Variants in USP54 observed in about 807,000 individuals in gnomAD.
USP54 encodes ubiquitin carboxyl-terminal hydrolase 54.
Under a neutral mutation model 170.5 loss-of-function variants are expected in USP54, and 87 were observed. The observed-to-expected ratio is 0.51, with a 90% CI of 0.43 to 0.61. The LOEUF (loss-of-function observed/expected upper bound fraction) is 0.61. Ranked by LOEUF, USP54 falls within the 20% of genes least tolerant of loss-of-function variation. The pLI is 0.00. For missense variants in USP54, 1,786 were observed against 2,047.8 expected (o/e 0.87, Z 2.47); for synonymous variants, 655 against 742.8 (o/e 0.88, Z 1.92).
chr10:73,577,166 C>A (rs549343180), intron 1 of USP54, among the ~76,000 whole-genome samples: 69 of 152,354 alleles, frequency 4.5e-4, no homozygotes, highest in African/African-American at 1.7e-3. Context: ...TGTCCATCTA[C>A]ATAAGGAAAA....
intron 20 of USP54, among the ~76,000 whole-genome samples, 153 bp downstream of exon 20, chr10:73,516,222 G>A (rs927781945): frequency 2.6e-5 from 4 of 152,124 alleles, no homozygotes; most frequent in African/African-American, 9.7e-5. Context: ...TCTAGGTCTT[G>A]TCCTGAAGGC....
rs780020507 is a variant in USP54 at position 73,516,846 on chromosome 10, C to T, written c.3580G>A (p.Asp1194Asn). The T allele has an allele frequency of 1.3e-5, 21 of 1,614,128 alleles. 1 individual carries two copies. The highest frequency in any genetic ancestry group is 1.7e-5 in the Non-Finnish European group (20 of 1,180,058). The change falls in exon 20 of 24, where the codon GAT becomes AAT. Residue 1194 changes from aspartate (D) to asparagine (N), a missense_variant. This residue lies in a region of USP54 where 1,418 missense variants were observed against 1,569.0 expected (regional missense o/e 0.90). Coordinates refer to ENST00000687698, the MANE Select transcript of USP54 (RefSeq NM_001391956.1). ...AKQQSSLEGG[D>N]RPLSWEESTE... ...GACTCTTCCCAGGAAAGTGGTCTATCCCCACCCTCCAGAGAGGATTGTTGC... is the reference window on the plus strand; with the variant it reads ...GACTCTTCCCAGGAAAGTGGTCTATTCCCACCCTCCAGAGAGGATTGTTGC...
At chr10:73,517,882 A>G in intron 19 of USP54, 135 bp from the exon 20 acceptor site, 1 of 1,139,152 alleles carries the variant, frequency 8.8e-7, no homozygotes, top group South Asian at 1.6e-5. Flanking sequence ...GACAAGCACA[A>G]GTAGAGTCAG....
At chr10:73,511,732 C>T (rs914001860) in intron 20 of USP54, among the ~76,000 whole-genome samples, 7 of 150,810 alleles carry the variant, frequency 4.6e-5, no homozygotes, top group African/African-American at 1.5e-4. Context: ...ATAAAGAACT[C>T]TCAAATTATA....
intron 1 of USP54, chr10:73,624,385 A>G (rs1409893930): frequency 4.6e-5 from 4 of 86,500 alleles, no homozygotes; most frequent in African/African-American, 1.9e-4. Flanking sequence ...TTTTTAGTAG[A>G]GACGGGGGGG....
At chr10:73,545,747 C>T in intron 4 of USP54, 75 bp from the exon 5 acceptor site, 1 of 1,533,270 alleles carries the variant, frequency 6.5e-7, no homozygotes, top group Non-Finnish European at 8.9e-7. Context: ...GTCTGTCATG[C>T]TAGCATCTCC....
chr10:73,541,846 C>A, intron 7 of USP54, 108 bp from the exon 8 acceptor site: 2 of 1,092,638 alleles, frequency 1.8e-6, no homozygotes, highest in East Asian at 2.6e-5. Context: ...TCCTCTGCCC[C>A]CTATACCAAA....
chr10:73,623,013 T>A (rs898204120), intron 1 of USP54, among the ~76,000 whole-genome samples: 2 of 152,080 alleles, frequency 1.3e-5, no homozygotes, highest in Non-Finnish European at 2.9e-5. Context: ...CATTCTTTTA[T>A]CTCTTCTGAG....
intron 1 of USP54, among the ~76,000 whole-genome samples, chr10:73,606,817 T>C (rs993223461): frequency 6.8e-6 from 1 of 146,856 alleles, no homozygotes; most frequent in Admixed American, 7.0e-5. Context: ...AGGTGGAGGT[T>C]GCAGTGAGCC....
intron 1 of USP54, among the ~76,000 whole-genome samples, chr10:73,579,230 T>TGCA (rs2076547720): frequency 6.6e-6 from 1 of 151,906 alleles, no homozygotes; most frequent in Admixed American, 6.6e-5. Flanking sequence ...GGATTACAGG[T>TGCA]GTGAGCCACT....
At chr10:73,540,299 G>A (rs1262854252) in intron 9 of USP54, among the ~76,000 whole-genome samples, 2 of 151,064 alleles carry the variant, frequency 1.3e-5, no homozygotes, top group Non-Finnish European at 2.9e-5. Context: ...AGCTGGGCGC[G>A]GTGGCTCACG....
intron 1 of USP54, among the ~76,000 whole-genome samples, chr10:73,614,255 A>G (rs1346292157): frequency 6.7e-6 from 1 of 149,870 alleles, no homozygotes; most frequent in African/African-American, 2.5e-5. Context: ...AAGAACAGAA[A>G]TATTCAAAAA....
intron 20 of USP54, 172 bp from the exon 21 acceptor site, chr10:73,505,598 C>G: frequency 1.8e-6 from 1 of 550,066 alleles, no homozygotes; most frequent in East Asian, 3.4e-5. Flanking sequence ...GGGCTGGGCG[C>G]GGTGGCTCAC....
Position 73,509,443 on chromosome 10 carries a change from A to T in USP54, c.4052-4017T>A, listed in dbSNP as rs2059842564. Among the ~76,000 whole-genome samples the T allele has an allele frequency of 2.7e-5, 4 of 150,544 alleles. No homozygotes were observed. The South Asian group carries it at 8.3e-4, about 31-fold the overall frequency. On this transcript the variant is annotated intron_variant, in intron 20 of 23. Coordinates refer to ENST00000687698, the MANE Select transcript of USP54 (RefSeq NM_001391956.1). ...ATAGTGAAACCCTGTCTCTACCAAA[A>T]AAAAAAAAAAAAACAACAAAAATTA...
intron 1 of USP54, among the ~76,000 whole-genome samples, chr10:73,578,370 A>G (rs1302912596): frequency 6.6e-6 from 1 of 152,164 alleles, no homozygotes; most frequent in African/African-American, 2.4e-5. Flanking sequence ...TTTTATCTGT[A>G]TGGCTCTCAC....
chr10:73,569,191 C>A (rs568985386), intron 4 of USP54, among the ~76,000 whole-genome samples: 1 of 152,112 alleles, frequency 6.6e-6, no homozygotes, highest in South Asian at 2.1e-4. Flanking sequence ...TTGTTTTTTT[C>A]TCCCTTTCTG....
chr10:73,603,027 T>C (rs967360705), intron 1 of USP54, among the ~76,000 whole-genome samples: 2 of 152,100 alleles, frequency 1.3e-5, no homozygotes, highest in Non-Finnish European at 2.9e-5. Context: ...CACAAAAATC[T>C]AAGAAAGAAC....
At chr10:73,552,820 A>G (rs959770205) in intron 4 of USP54, among the ~76,000 whole-genome samples, 3 of 152,136 alleles carry the variant, frequency 2.0e-5, no homozygotes, top group Non-Finnish European at 4.4e-5. Flanking sequence ...ATATAAATGT[A>G]TATATCCTAG....
chr10:73,602,659 G>A (rs2079272258), intron 1 of USP54, among the ~76,000 whole-genome samples: 1 of 151,628 alleles, frequency 6.6e-6, no homozygotes, highest in Non-Finnish European at 1.5e-5. Flanking sequence ...AGGAGTTCAA[G>A]GCCAGCCTGA....
Sources: allele counts gnomAD v4.1 joint callset (sites outside exome capture counted in the v4.1 genomes callset), GRCh38; gene constraint gnomAD v4.1.1; regional missense constraint gnomAD v4.1.1; transcripts MANE v1.5; gene names NCBI Gene and HGNC (gene_info 2026-07-23, HGNC 2026-07-21).